The following COPS3 variants were observed in gnomAD, a reference collection of about 807,000 sequenced individuals.
The protein encoded by COPS3 is COP9 signalosome subunit 3.
In COPS3, 10 loss-of-function variants were observed where a neutral mutation model predicts 58.2. The ratio of observed to expected loss-of-function variants is 0.17; its 90% confidence interval spans 0.11 to 0.29. COPS3 has a LOEUF of 0.29. Ranked by LOEUF, COPS3 falls within the 10% of genes least tolerant of loss-of-function variation. COPS3 has a pLI of 1.00. For synonymous variants in COPS3, 187 were observed against 181.7 expected (o/e 1.03, Z -0.24); for missense variants, 333 against 510.1 (o/e 0.65, Z 3.34).
Position 17,276,232 on chromosome 17 carries a change from A to C in COPS3, c.56-68T>G, listed in dbSNP as rs747492500. The C allele has an allele frequency of 4.4e-6, 7 of 1,583,204 alleles. No individual in the cohort carries two copies. The South Asian group carries it at 7.9e-5, about 18-fold the overall frequency. On this transcript the variant is annotated intron_variant, in intron 1 of 11. Coordinates refer to ENST00000268717, the MANE Select transcript of COPS3 (RefSeq NM_003653.4). ...TAACCAAACTGATGGAACTCTAACC[A>C]CAACTTTGTACTTCAGAGCCTGAAG...
At chr17:17,278,936 G>A (rs1055532718) in intron 1 of COPS3, among the ~76,000 whole-genome samples, 1 of 150,378 alleles carries the variant, frequency 6.6e-6, no homozygotes, top group Non-Finnish European at 1.5e-5. Flanking sequence ...GGGCAGTGGC[G>A]CGATCTTGGC....
At chr17:17,260,071 C>T (rs945258387) in intron 8 of COPS3, among the ~76,000 whole-genome samples, 6 of 152,152 alleles carry the variant, frequency 3.9e-5, no homozygotes, top group Non-Finnish European at 8.8e-5. Flanking sequence ...TTGTCTCCTA[C>T]CTTTCTTCCT....
At chr17:17,261,623 G>A in intron 7 of COPS3, 1 of 427,102 alleles carries the variant, frequency 2.3e-6, no homozygotes, top group South Asian at 1.7e-5. Flanking sequence ...ACTCTGGGAG[G>A]CAGACGCAGA....
At chr17:17,253,080 G>T (rs1313468143) in intron 9 of COPS3, among the ~76,000 whole-genome samples, 1 of 152,086 alleles carries the variant, frequency 6.6e-6, no homozygotes, top group African/African-American at 2.4e-5. Flanking sequence ...TTAAAAATTA[G>T]CTGGGTGTGG....
intron 6 of COPS3, among the ~76,000 whole-genome samples, chr17:17,263,756 C>T (rs1189221860): frequency 4.7e-5 from 7 of 148,174 alleles, no homozygotes; most frequent in African/African-American, 1.0e-4. Context: ...TCAGGTGATC[C>T]GCCGGCCTCG....
chr17:17,264,656 A>T, intron 6 of COPS3, 146 bp downstream of exon 6: 1 of 625,252 alleles, frequency 1.6e-6, no homozygotes, highest in Non-Finnish European at 2.7e-6. Flanking sequence ...ACCACTATTT[A>T]CATGATCACA....
At position 17,247,149 on chromosome 17, in the gene COPS3, A is replaced by G. The variant is rs936373169; in HGVS notation, c.1221T>C (p.Ser407=). ...CTGAATCATCTTCTTGTGAGCCCAT[A>G]CTCTGTAAAGGTAAAGTGAAGTTAT... The part of the protein sequence containing the change: ...ITVNPQFVQK[S]MGSQEDDSGN... Residue 407 remains serine (S), a splice_region_variant and synonymous_variant, in exon 12 of 12, where the codon AGT becomes AGC. Coordinates refer to ENST00000268717, the MANE Select transcript of COPS3 (RefSeq NM_003653.4). The G allele has an allele frequency of 5.6e-6, 9 of 1,613,534 alleles. No individual in the cohort carries two copies. The highest frequency in any genetic ancestry group is 7.6e-6 in the Non-Finnish European group (9 of 1,179,650).
Position 17,270,742 on chromosome 17 carries a change from G to C in COPS3, c.348+16C>G. 1 of 1,569,114 alleles carries C rather than the reference G, an allele frequency of 6.4e-7. No homozygotes were observed. Among genetic ancestry groups the C allele is most frequent in the Non-Finnish European group, 8.7e-7 (1 of 1,151,784 alleles). Reference sequence around the variant, plus strand: ...TATTATAACAAAACTAGGAATACTTGAATAGTATTTCTTACCTGTTTTCTT... The same window carrying C: ...TATTATAACAAAACTAGGAATACTTCAATAGTATTTCTTACCTGTTTTCTT... On this transcript the variant is annotated intron_variant, in intron 4 of 11. Coordinates refer to ENST00000268717, the MANE Select transcript of COPS3 (RefSeq NM_003653.4).
chr17:17,261,536 A>AAATG, intron 7 of COPS3: 1 of 337,702 alleles, frequency 3.0e-6, no homozygotes, highest in Admixed American at 4.0e-5. Context: ...CTAAATAAAT[A>AAATG]AATAAATAAA....
intron 7 of COPS3, chr17:17,261,522 A>G: frequency 4.0e-6 from 1 of 248,160 alleles, no homozygotes; most frequent in Admixed American, 6.1e-5. Context: ...GCAAAACTCC[A>G]TTTCTAAATA....
chr17:17,250,719 A>G (rs1360390404), intron 9 of COPS3, among the ~76,000 whole-genome samples: 2 of 152,226 alleles, frequency 1.3e-5, no homozygotes, highest in African/African-American at 4.8e-5. Context: ...TCCTAACAAG[A>G]TGTTCCACAC....
chr17:17,265,389 A>C (rs1215202835), intron 5 of COPS3, among the ~76,000 whole-genome samples: 2 of 151,734 alleles, frequency 1.3e-5, no homozygotes, highest in Admixed American at 6.6e-5. Flanking sequence ...ATTCAGAAAA[A>C]AACAGCATTA....
At position 17,264,701 on chromosome 17, in the gene COPS3, C is replaced by T. The variant is rs552261596; in HGVS notation, c.621+101G>A. ...TCTCTGAAAGGACCAACACCTGAAA[C>T]GGAGGCCCTGGGATCAGACCACTCT... On this transcript the variant is annotated intron_variant, in intron 6 of 11. Transcript: ENST00000268717. 9.6e-5 allele frequency: 87 copies of T among 903,262 alleles called. 1 individual carries two copies. In the African/African-American group the frequency reaches 1.1e-3, roughly 11 times the overall value. 56.0% of individuals were successfully genotyped at this position (903,262 alleles called of 1,614,324 possible). A position where few individuals can be genotyped will look rare whatever the true frequency, so the allele number is the denominator to read the frequency against.
chr17:17,255,721 T>G (rs2047956802), intron 8 of COPS3, among the ~76,000 whole-genome samples: 1 of 151,376 alleles, frequency 6.6e-6, no homozygotes, highest in African/African-American at 2.4e-5. Flanking sequence ...GCACCTGTAA[T>G]CCCAGCTGCT....
At chr17:17,260,541 C>CACCTG in intron 7 of COPS3, 67 bp from the exon 8 acceptor site, 1 of 1,496,924 alleles carries the variant, frequency 6.7e-7, no homozygotes, top group Non-Finnish European at 9.2e-7. Context: ...TGGGGACTCA[C>CACCTG]GCCTGTAATC....
chr17:17,260,493 G>GA lies in COPS3; in HGVS notation c.763-20dup, dbSNP rs752254806. On this transcript the variant is annotated intron_variant, in intron 7 of 11. Transcript: ENST00000268717. ...TAAGAGGCTAAAGATGCAAAGGAGG[G>GA]AAAAAATTCAGATTAAAACTTCAGA... 8.7e-6 allele frequency: 14 copies of GA among 1,611,856 alleles called. No homozygotes were observed. The highest frequency in any genetic ancestry group is 5.1e-6 in the Non-Finnish European group (6 of 1,178,606).
At chr17:17,255,495 A>AAAAAAAAAAG (rs71152854) in intron 8 of COPS3, among the ~76,000 whole-genome samples, 1 of 150,862 alleles carries the variant, frequency 6.6e-6, no homozygotes, top group Non-Finnish European at 1.5e-5. Flanking sequence ...CAAAAAAAAA[A>AAAAAAAAAAG]GTGTACAGAG....
intron 9 of COPS3, among the ~76,000 whole-genome samples, chr17:17,254,156 TAGTC>T (rs2047909900): frequency 6.6e-6 from 1 of 150,608 alleles, no homozygotes; most frequent in Non-Finnish European, 1.5e-5. Context: ...ATACAAAAAT[TAGTC>T]AGGCATGGTG....
At chr17:17,260,259 A>T (rs1185450873) in intron 8 of COPS3, 42 bp downstream of exon 8, 1 of 1,592,276 alleles carries the variant, frequency 6.3e-7, no homozygotes, top group African/African-American at 1.3e-5. Context: ...CATGGCCCCC[A>T]GGGGGTCAGG....
Sources: allele counts gnomAD v4.1 joint callset (sites outside exome capture counted in the v4.1 genomes callset), GRCh38; gene constraint gnomAD v4.1.1; transcripts MANE v1.5; gene names NCBI Gene and HGNC (gene_info 2026-07-23, HGNC 2026-07-21).